IQCH: variants seen among roughly 807,000 people sequenced by gnomAD.
IQCH encodes IQ motif containing H, also known as IQ domain-containing protein H.
Under a neutral mutation model 117.0 loss-of-function variants are expected in IQCH, and 98 were observed. The observed-to-expected ratio is 0.84, with a 90% CI of 0.71 to 0.99. The LOEUF is 0.99. Among genes scored for constraint, IQCH ranks in the 50% least tolerant of loss-of-function variants. IQCH has a pLI of 0.00. For missense variants in IQCH, 1,102 were observed against 1,243.8 expected, an observed-to-expected ratio of 0.89 and a Z score of 1.72; for synonymous variants, 412 against 448.2, an observed-to-expected ratio of 0.92 and a Z score of 1.02.
At chr15:67,462,892 T>TAAA (rs2082833321) in intron 16 of IQCH, among the ~76,000 whole-genome samples, 1 of 152,222 alleles carries the variant, frequency 6.6e-6, no homozygotes, top group South Asian at 2.1e-4. Flanking sequence ...CAGGAAATAT[T>TAAA]TAAGTTGACA....
chr15:67,500,718 A>AT lies in IQCH; in HGVS notation c.3057dup (p.Lys1020Ter). The stretch of plus-strand genomic sequence containing the variant: ...GAAGAGGAGCAACAGTCCAAAGATG[A>AT]TAAAAACCTCTCTAAACCCAAGAAA... On this transcript the variant is annotated frameshift_variant, in exon 21 of 21. Coordinates refer to ENST00000335894, the MANE Select transcript of IQCH (RefSeq NM_001031715.3). LOFTEE classifies it low-confidence loss of function (END_TRUNC). This position sits in a 1 kb window ranked among gnomAD's most constrained non-coding sequence, Gnocchi z 4.4. The AT allele has an allele frequency of 6.3e-7, 1 of 1,595,422 alleles. No homozygotes were observed. The highest frequency in any genetic ancestry group is 8.6e-7 in the Non-Finnish European group (1 of 1,165,804).
chr15:67,389,546 G>A (rs1457732251), intron 12 of IQCH, among the ~76,000 whole-genome samples: 1 of 151,734 alleles, frequency 6.6e-6, no homozygotes, highest in Non-Finnish European at 1.5e-5. Context: ...CCTATTCCTA[G>A]ACAAGAACCA....
chr15:67,331,239 A>G (rs1567102419), intron 4 of IQCH, among the ~76,000 whole-genome samples: 1 of 152,202 alleles, frequency 6.6e-6, no homozygotes, highest in Non-Finnish European at 1.5e-5. Flanking sequence ...ACAAAGCCTA[A>G]CCTAGAAAAA....
chr15:67,372,749 CCTTT>C, intron 9 of IQCH, 87 bp downstream of exon 9: 2 of 1,169,604 alleles, frequency 1.7e-6, no homozygotes, highest in Non-Finnish European at 2.4e-6. Flanking sequence ...CTCTATCTTC[CCTTT>C]CTCTTTCCAA....
chr15:67,309,984 T>C (rs1466213665), intron 4 of IQCH, among the ~76,000 whole-genome samples: 1 of 151,460 alleles, frequency 6.6e-6, no homozygotes, highest in Admixed American at 6.6e-5. Context: ...CTAATAAGGT[T>C]CTTACCTTCC....
chr15:67,378,170 G>T lies in IQCH; in HGVS notation c.1372+4737G>T, dbSNP rs186475653. On this transcript the variant is annotated intron_variant, in intron 10 of 20. Coordinates refer to ENST00000335894, the MANE Select transcript of IQCH (RefSeq NM_001031715.3). ...TTGAACTCACCTACATTTGTGAACAGGGGCAGAGTGGAGGATGGCAGCCAA... is the reference window on the plus strand; with the variant it reads ...TTGAACTCACCTACATTTGTGAACATGGGCAGAGTGGAGGATGGCAGCCAA... Among the ~76,000 whole-genome samples, 995 of 152,102 alleles carry T rather than the reference G, an allele frequency of 6.5e-3. 12 individuals carry two copies. Among genetic ancestry groups the T allele is most frequent in the African/African-American group, 0.023 (953 of 41,444 alleles).
At chr15:67,400,348 A>C (rs1178713575) in intron 14 of IQCH, 43 bp downstream of exon 14, 1 of 1,482,800 alleles carries the variant, frequency 6.7e-7, no homozygotes, top group South Asian at 1.1e-5. Context: ...GTCTGTGAAC[A>C]GTTAGGGGAC....
Position 67,388,724 on chromosome 15 carries a change from T to G in IQCH, c.1457-107T>G. ...AAACTAAATTAACCTTAACCTGGGT[T>G]TTGGATATGCTCTTTATTTTAAACT... On this transcript the variant is annotated intron_variant, in intron 11 of 20. Transcript: ENST00000335894. This position sits in a 1 kb window ranked among gnomAD's most constrained non-coding sequence, Gnocchi z 5.5. 9.3e-6 allele frequency: 9 copies of G among 962,990 alleles called. No homozygotes were observed. In the South Asian group the frequency reaches 1.6e-4, roughly 17 times the overall value. The allele number at this position is 962,990 out of a possible 1,614,324, so 59.7% of individuals were successfully genotyped here. A position where few individuals can be genotyped will look rare whatever the true frequency, so the allele number is the denominator to read the frequency against.
At position 67,456,189 on chromosome 15, in the gene IQCH, G is replaced by T. The variant is rs1028594643; in HGVS notation, c.2506-8938G>T. On this transcript the variant is annotated intron_variant, in intron 16 of 20. Coordinates refer to ENST00000335894, the MANE Select transcript of IQCH (RefSeq NM_001031715.3). The surrounding 1 kb of genome is among the most constrained non-coding windows in gnomAD (Gnocchi z 5.1). ...GGTGAAAAGTATAAATACAGCTGCC[G>T]ATGATGAAAGTTTAAGTTTCAAGAT... is the stretch of plus-strand genomic sequence containing the variant. Among the ~76,000 whole-genome samples, 1 of 152,050 alleles carries T rather than the reference G, an allele frequency of 6.6e-6. No homozygotes were observed. The highest frequency in any genetic ancestry group is 1.5e-5 in the Non-Finnish European group (1 of 68,006).
In IQCH at chr15:67,388,696, A is replaced by G. The variant is rs965938128; in HGVS notation, c.1457-135A>G. 5 of 716,194 alleles carry G rather than the reference A, an allele frequency of 7.0e-6. No homozygotes were observed. The highest frequency in any genetic ancestry group is 1.1e-5 in the Non-Finnish European group (5 of 442,818). 44.4% of individuals were successfully genotyped at this position (716,194 alleles called of 1,614,324 possible). A position where few individuals can be genotyped will look rare whatever the true frequency, so the allele number is the denominator to read the frequency against. ...AGTTAGATTGCTCAGATAGTACAAA[A>G]CCAAACTAAATTAACCTTAACCTGG... On this transcript the variant is annotated intron_variant, in intron 11 of 20. Coordinates refer to ENST00000335894, the MANE Select transcript of IQCH (RefSeq NM_001031715.3). This position sits in a 1 kb window ranked among gnomAD's most constrained non-coding sequence, Gnocchi z 5.5.
intron 16 of IQCH, among the ~76,000 whole-genome samples, chr15:67,446,545 C>T (rs2082395794): frequency 6.6e-6 from 1 of 152,150 alleles, no homozygotes; most frequent in Admixed American, 6.6e-5. Flanking sequence ...AAAGCAGCCT[C>T]TGGGGTGGAG....
chr15:67,450,392 G>A (rs192469595), intron 16 of IQCH, among the ~76,000 whole-genome samples: 28 of 152,254 alleles, frequency 1.8e-4, no homozygotes, highest in African/African-American at 5.8e-4. Flanking sequence ...TTTGAGATAC[G>A]ACCCATCAAT....
At chr15:67,255,026 A>T in intron 1 of IQCH, 79 bp downstream of exon 1, 1 of 1,394,108 alleles carries the variant, frequency 7.2e-7, no homozygotes, top group Non-Finnish European at 1.0e-6. Flanking sequence ...CGATTCACCG[A>T]CGCTCACCCA....
chr15:67,400,039 A>G (rs1971591798), intron 13 of IQCH, 75 bp from the exon 14 acceptor site: 3 of 1,155,800 alleles, frequency 2.6e-6, no homozygotes, highest in Non-Finnish European at 3.8e-6. Context: ...GAAGTACAGC[A>G]ACTAAGTTGT....
rs920511017 is a variant in IQCH, at chr15:67,500,301, T to C, written c.2971-332T>C. 6.6e-6 allele frequency among the ~76,000 whole-genome samples: 1 copy of C among 152,132 alleles called. No individual in the cohort carries two copies. Among genetic ancestry groups the C allele is most frequent in the Non-Finnish European group, 1.5e-5 (1 of 68,014 alleles). ...GTTTTGTTTTGATTTTATCTGACTA[T>C]CATGGATCAACATTTTTAACAAAAT... On this transcript the variant is annotated intron_variant, in intron 20 of 20. Coordinates refer to ENST00000335894, the MANE Select transcript of IQCH (RefSeq NM_001031715.3). The surrounding 1 kb of genome is among the most constrained non-coding windows in gnomAD (Gnocchi z 4.4).
chr15:67,295,723 C>A (rs974218178), intron 4 of IQCH, among the ~76,000 whole-genome samples: 1 of 152,194 alleles, frequency 6.6e-6, no homozygotes, highest in Non-Finnish European at 1.5e-5. Flanking sequence ...TGAATCCTAA[C>A]TAAATGCATC....
chr15:67,448,990 T>C (rs202058163), intron 16 of IQCH, among the ~76,000 whole-genome samples: 21,076 of 152,108 alleles, frequency 0.14, 1,658 homozygotes, highest in East Asian at 0.21. Context: ...ATGAGCATTT[T>C]TTCATGTGTG....
At chr15:67,317,927 A>G (rs1361319963) in intron 4 of IQCH, among the ~76,000 whole-genome samples, 2 of 152,056 alleles carry the variant, frequency 1.3e-5, no homozygotes, top group Non-Finnish European at 2.9e-5. Context: ...TGATTGTAGC[A>G]CAATCCTAGG....
rs1364751284 is a variant in IQCH at position 67,454,383 on chromosome 15, T to C, written c.2506-10744T>C. On this transcript the variant is annotated intron_variant, in intron 16 of 20. Coordinates refer to ENST00000335894, the MANE Select transcript of IQCH (RefSeq NM_001031715.3). This position sits in a 1 kb window ranked among gnomAD's most constrained non-coding sequence, Gnocchi z 5.2. ...GGCCATCTTGGCTCTGGTCTTGATC[T>C]CTTGACCTTGTGATCCGCCCGCCTC... 2.6e-5 allele frequency among the ~76,000 whole-genome samples: 4 copies of C among 152,230 alleles called. No individual in the cohort carries two copies. Among genetic ancestry groups the C allele is most frequent in the Non-Finnish European group, 5.9e-5 (4 of 68,030 alleles).
Sources: allele counts gnomAD v4.1 joint callset (sites outside exome capture counted in the v4.1 genomes callset), GRCh38; gene constraint gnomAD v4.1.1; non-coding constraint Gnocchi (gnomAD v3.1); transcripts MANE v1.5; gene names NCBI Gene and HGNC (gene_info 2026-07-23, HGNC 2026-07-21).